The following SPTBN4 variants were observed in gnomAD, a reference collection of about 807,000 sequenced individuals.
The protein encoded by SPTBN4 is spectrin beta, non-erythrocytic 4.
SPTBN4 carries 96 observed loss-of-function variants against 277.8 expected under a neutral mutation model. The observed-to-expected ratio is 0.35, with a 90% CI of 0.29 to 0.41. The LOEUF is 0.41. Among genes scored for constraint, SPTBN4 ranks in the 10% least tolerant of loss-of-function variants. The probability of loss-of-function intolerance (pLI) is 1.00; values close to 1 mark genes in which losing one functional copy is unlikely to be tolerated. For synonymous variants in SPTBN4, 1,481 were observed against 1,580.3 expected (o/e 0.94, Z 1.49); for missense variants, 3,006 against 3,595.7 (o/e 0.84, Z 4.19).
In SPTBN4 at chr19:40,515,963, G is replaced by GTA. The variant is rs2080452452; in HGVS notation, c.2903+522_2903+523dup. 7.4e-6 allele frequency among the ~76,000 whole-genome samples: 1 copy of GTA among 134,346 alleles called. No homozygotes were observed. The highest frequency in any genetic ancestry group is 1.6e-5 in the Non-Finnish European group (1 of 62,594). 88.1% of individuals were successfully genotyped at this position (134,346 alleles called of 152,430 possible). Reference sequence around the variant, plus strand: ...TATACGTATATATACACATATATACGTATATATACACATATATACGTATAT... The same window carrying GTA: ...TATACGTATATATACACATATATACGTATATATATACACATATATACGTATAT... On this transcript the variant is annotated intron_variant, in intron 15 of 35. Coordinates refer to ENST00000598249, the MANE Select transcript of SPTBN4 (RefSeq NM_020971.3). This position sits in a 1 kb window ranked among gnomAD's most constrained non-coding sequence, Gnocchi z 4.1.
intron 18 of SPTBN4, chr19:40,530,642 CAG>C (rs1407639052): frequency 1.1e-6 from 1 of 924,934 alleles, no homozygotes; most frequent in Non-Finnish European, 1.3e-6. Context: ...CGGACGCAGA[CAG>C]GGGAGGGGGC....
At chr19:40,480,542 G>A (rs1273137528) in intron 2 of SPTBN4, among the ~76,000 whole-genome samples, 1 of 152,120 alleles carries the variant, frequency 6.6e-6, no homozygotes, top group Non-Finnish European at 1.5e-5. Context: ...TCATTTTGCT[G>A]GTGTTTTAAC....
In SPTBN4 at chr19:40,513,349, G is replaced by A. The variant is rs1321902762; in HGVS notation, c.2560G>A (p.Val854Met). 3.1e-5 allele frequency: 50 copies of A among 1,593,310 alleles called. No homozygotes were observed. The highest frequency in any genetic ancestry group is 4.2e-5 in the Non-Finnish European group (49 of 1,172,242). The change falls in exon 14 of 36, where the codon GTG becomes ATG. Residue 854 changes from valine to methionine, a missense_variant. Val to Met is a conservative substitution (Grantham distance 21). Coordinates refer to ENST00000598249, the MANE Select transcript of SPTBN4 (RefSeq NM_020971.3). ...GAGPLVVALQ[V>M]RVVEAEQLFA... ...AGGGCCACTGGTGGTGGCGCTGCAG[G>A]TGCGCGTGGTGGAAGCAGAGCAGTT...
Position 40,497,528 on chromosome 19 carries a change from T to C in SPTBN4, c.708T>C (p.Asn236=), listed in dbSNP as rs199628224. The change falls in exon 7 of 36, where the codon AAT becomes AAC. Residue 236 remains asparagine (N), a synonymous_variant. Transcript: ENST00000598249. ...ACTTCAGCAAACTCACCAAGTCCAA[T>C]GCCAACTACAACCTGCAGAGAGCCT... is the stretch of plus-strand genomic sequence containing the variant. ...LVDFSKLTKS[N]ANYNLQRAFR... 2.5e-6 allele frequency: 4 copies of C among 1,614,126 alleles called. No homozygotes were observed. The highest frequency in any genetic ancestry group is 1.1e-5 in the South Asian group (1 of 91,080).
chr19:40,558,098 G>A (rs1255338778), intron 26 of SPTBN4, among the ~76,000 whole-genome samples: 4 of 151,986 alleles, frequency 2.6e-5, no homozygotes, highest in African/African-American at 9.7e-5. Flanking sequence ...GGTGGCTCAC[G>A]CCTGTAATCC....
chr19:40,556,213 G>A lies in SPTBN4; in HGVS notation c.5214G>A (p.Glu1738=). 2 of 1,613,804 alleles carry A rather than the reference G, an allele frequency of 1.2e-6. No individual in the cohort carries two copies. The highest frequency in any genetic ancestry group is 1.7e-6 in the Non-Finnish European group (2 of 1,180,012). Residue 1738 remains glutamate, a synonymous_variant, in exon 25 of 36, where the codon GAG becomes GAA. Transcript: ENST00000598249. ...ACCAGCTCAGCCGCCAGGTGAGCGA[G>A]CTTGAGCACTGGATTGCCGAGAAGG... is the stretch of plus-strand genomic sequence containing the variant. ...WLYQLSRQVS[E]LEHWIAEKEV...
At position 40,523,465 on chromosome 19, in the gene SPTBN4, C is replaced by G. The variant is rs145981039; in HGVS notation, c.3683C>G (p.Pro1228Arg). ...ATGGCGCTGTCTGGTGCGGAGCTCC[C>G]GGGCACAGTGGAATCGGTGGAGGAG... ...QEMALSGAEL[P>R]GTVESVEEAL... Residue 1228 changes from proline to arginine, a missense_variant, in exon 17 of 36, where the codon CCG becomes CGG. Around this residue, in one of 5 missense-constraint regions of SPTBN4, gnomAD observed 1,759 missense variants for 2,061.5 expected, o/e 0.85. Coordinates refer to ENST00000598249, the MANE Select transcript of SPTBN4 (RefSeq NM_020971.3). 1.2e-5 allele frequency: 20 copies of G among 1,611,150 alleles called. No individual in the cohort carries two copies. Among genetic ancestry groups the G allele is most frequent in the Admixed American group, 3.4e-5 (2 of 59,634 alleles).
intron 20 of SPTBN4, among the ~76,000 whole-genome samples, chr19:40,540,840 A>G (rs1170610502): frequency 1.4e-5 from 2 of 141,114 alleles, no homozygotes; most frequent in Non-Finnish European, 3.1e-5. Context: ...AAAAAAAAAA[A>G]GAAAAGTAAT....
rs2080653987 is a variant in SPTBN4, at chr19:40,530,531, A to T, written c.3948+1400A>T. On this transcript the variant is annotated intron_variant, in intron 18 of 35. Transcript: ENST00000598249. ...GCCGCTGCCGCTGCCGTCGCAGTTG[A>T]GGGGCGAGCACCCGCCCGCCCGCTG... is the stretch of plus-strand genomic sequence containing the variant. 4 of 978,660 alleles carry T rather than the reference A, an allele frequency of 4.1e-6. No individual in the cohort carries two copies. The African/African-American group carries it at 7.2e-5, about 18-fold the overall frequency. 60.6% of individuals were successfully genotyped at this position (978,660 alleles called of 1,614,324 possible).
intron 16 of SPTBN4, among the ~76,000 whole-genome samples, chr19:40,522,088 A>C (rs1236052216): frequency 1.3e-5 from 2 of 152,128 alleles, no homozygotes; most frequent in East Asian, 3.9e-4. Flanking sequence ...GTACAGTGGC[A>C]CGATCATGAC....
chr19:40,531,271 G>C (rs201074225), intron 18 of SPTBN4, among the ~76,000 whole-genome samples: 3 of 151,946 alleles, frequency 2.0e-5, no homozygotes, highest in African/African-American at 7.3e-5. Context: ...GGGAACCTGT[G>C]AATTGAGTTG....
At chr19:40,505,700 G>GAGGAAAGAAGGA (rs2080318542) in intron 12 of SPTBN4, among the ~76,000 whole-genome samples, 1 of 116,512 alleles carries the variant, frequency 8.6e-6, no homozygotes, top group Non-Finnish European at 1.7e-5. Flanking sequence ...GAATGAAAGG[G>GAGGAAAGAAGGA]AGGAAGGAAG....
At chr19:40,541,511 G>A (rs571910168) in intron 20 of SPTBN4, among the ~76,000 whole-genome samples, 4 of 152,354 alleles carry the variant, frequency 2.6e-5, no homozygotes, top group Non-Finnish European at 5.9e-5. Context: ...ACACAGGAGA[G>A]GGGTTGGCTG....
rs781400131 is a variant in SPTBN4, at chr19:40,502,140, G to A, written c.910G>A (p.Val304Ile). 1.2e-6 allele frequency: 2 copies of A among 1,613,704 alleles called. No individual in the cohort carries two copies. Residue 304 changes from valine to isoleucine, a missense_variant, in exon 9 of 36, where the codon GTA (valine) becomes ATA (isoleucine). Val to Ile is a conservative substitution (Grantham distance 29, BLOSUM62 3). Transcript: ENST00000598249. This position sits in a 1 kb window ranked among gnomAD's most constrained non-coding sequence, Gnocchi z 4.9. ...GKRIGKVLDQ[V>I]LEVGKIIERY... ...TCTGCTGTGTCAGGTCTTGGACCAG[G>A]TATTGGAGGTGGGGAAGATCATAGA... is the stretch of plus-strand genomic sequence containing the variant.
chr19:40,572,452 G>A, intron 35 of SPTBN4, 72 bp downstream of exon 35: 1 of 1,574,526 alleles, frequency 6.4e-7, no homozygotes, highest in Non-Finnish European at 8.7e-7. Flanking sequence ...CTGACCCAGA[G>A]TGATGGGGCT....
intron 2 of SPTBN4, among the ~76,000 whole-genome samples, chr19:40,476,686 C>G (rs1004962532): frequency 6.6e-6 from 1 of 152,040 alleles, no homozygotes; most frequent in African/African-American, 2.4e-5. Context: ...CTCCTGGGTT[C>G]ATGCCATTCT....
chr19:40,477,234 A>G (rs2079959551), intron 2 of SPTBN4, among the ~76,000 whole-genome samples: 1 of 151,884 alleles, frequency 6.6e-6, no homozygotes, highest in South Asian at 2.1e-4. Context: ...TTTTTTATAG[A>G]GACAGGGTCT....
At chr19:40,480,863 G>T (rs2145812364) in intron 2 of SPTBN4, among the ~76,000 whole-genome samples, 1 of 152,246 alleles carries the variant, frequency 6.6e-6, no homozygotes, top group Admixed American at 6.5e-5. Context: ...AGGAGTTCAA[G>T]ACCAGCCTGG....
At chr19:40,487,285 C>T (rs1243401909) in intron 2 of SPTBN4, among the ~76,000 whole-genome samples, 1 of 151,510 alleles carries the variant, frequency 6.6e-6, no homozygotes, top group Non-Finnish European at 1.5e-5. Context: ...TGTGATCTGC[C>T]CGTCTCAGCC....
Sources: allele counts gnomAD v4.1 joint callset (sites outside exome capture counted in the v4.1 genomes callset), GRCh38; gene constraint gnomAD v4.1.1; regional missense constraint gnomAD v4.1.1; non-coding constraint Gnocchi (gnomAD v3.1); transcripts MANE v1.5; gene names NCBI Gene and HGNC (gene_info 2026-07-23, HGNC 2026-07-21).